Variants in WDPCP observed in about 807,000 individuals in gnomAD.
WDPCP encodes the protein WD repeat-containing and planar cell polarity effector protein fritz homolog.
Under a neutral mutation model 93.1 loss-of-function variants are expected in WDPCP, and 71 were observed. The ratio of observed to expected loss-of-function variants is 0.76; its 90% CI spans 0.63 to 0.93. WDPCP has a LOEUF of 0.93. Ranked by LOEUF, WDPCP falls within the 40% of genes least tolerant of loss-of-function variation. The pLI, the probability that WDPCP is intolerant of heterozygous loss-of-function variation, is 0.00. For synonymous variants in WDPCP, 315 were observed against 315.0 expected, an observed-to-expected ratio of 1.00 and a Z score of 0.00; for missense variants, 844 against 887.4, an observed-to-expected ratio of 0.95 and a Z score of 0.62.
chr2:63,486,067 T>C (rs923209116), intron 4 of WDPCP, among the ~76,000 whole-genome samples: 1 of 151,724 alleles, frequency 6.6e-6, no homozygotes, highest in Admixed American at 6.6e-5. Context: ...TTAATGTATG[T>C]TTAATTCTAT....
intron 2 of WDPCP, among the ~76,000 whole-genome samples, chr2:63,766,218 G>A (rs1357920759): frequency 2.0e-5 from 3 of 152,294 alleles, no homozygotes; most frequent in Middle Eastern, 3.4e-3. Context: ...CTAAATCAGT[G>A]AGTCTCATCC....
At chr2:63,179,193 C>T (rs1252797789) in intron 14 of WDPCP, among the ~76,000 whole-genome samples, 2 of 137,396 alleles carry the variant, frequency 1.5e-5, no homozygotes, top group African/African-American at 5.2e-5. Flanking sequence ...GAGTGAGACC[C>T]TGTCTCGGGG....
intron 14 of WDPCP, among the ~76,000 whole-genome samples, chr2:63,238,730 T>C (rs1679617187): frequency 6.6e-6 from 1 of 152,176 alleles, no homozygotes; most frequent in South Asian, 2.1e-4. Context: ...GAATAGTATA[T>C]GTGAAAGTAA....
intron 12 of WDPCP, among the ~76,000 whole-genome samples, chr2:63,317,975 A>G (rs1170186035): frequency 6.6e-6 from 1 of 152,176 alleles, no homozygotes; most frequent in African/African-American, 2.4e-5. Flanking sequence ...AAAAAAGTAA[A>G]CAGAGAACCT....
chr2:63,606,736 G>T, intron 3 of WDPCP: 1 of 515,366 alleles, frequency 1.9e-6, no homozygotes, highest in Non-Finnish European at 3.0e-6. Context: ...TTAAAATCTG[G>T]ATTTTTATTT....
chr2:63,750,684 T>C (rs779900451), intron 2 of WDPCP, among the ~76,000 whole-genome samples: 10 of 152,148 alleles, frequency 6.6e-5, no homozygotes, highest in Non-Finnish European at 1.0e-4. Flanking sequence ...AAAGTGTTCT[T>C]ATAATTGGGT....
intron 13 of WDPCP, among the ~76,000 whole-genome samples, chr2:63,289,863 G>A (rs950473085): frequency 3.3e-5 from 5 of 151,830 alleles, no homozygotes; most frequent in African/African-American, 9.6e-5. Flanking sequence ...TATCTCTGGT[G>A]ATACTTTCTT....
intron 6 of WDPCP, chr2:63,442,768 G>A (rs976591685): frequency 6.6e-6 from 1 of 152,038 alleles, no homozygotes; most frequent in Non-Finnish European, 1.5e-5. Flanking sequence ...CTTGTTTTCT[G>A]TTCTCACCAC....
At chr2:63,746,893 A>G (rs1669806298) in intron 2 of WDPCP, among the ~76,000 whole-genome samples, 1 of 151,786 alleles carries the variant, frequency 6.6e-6, no homozygotes, top group South Asian at 2.1e-4. Flanking sequence ...GAGGCATGTG[A>G]TCTCTGTGAC....
intron 1 of WDPCP, chr2:63,518,649 G>A (rs547153354): frequency 1.3e-5 from 2 of 152,494 alleles, no homozygotes; most frequent in African/African-American, 4.8e-5. Flanking sequence ...TAGCCTTAGG[G>A]GAACTGTCAG....
At chr2:63,757,122 A>C (rs1027570729) in intron 2 of WDPCP, among the ~76,000 whole-genome samples, 1 of 152,226 alleles carries the variant, frequency 6.6e-6, no homozygotes, top group Admixed American at 6.5e-5. Flanking sequence ...CATATTTCCC[A>C]ATGTCCACTT....
chr2:63,696,118 A>G (rs1002255534), intron 2 of WDPCP, among the ~76,000 whole-genome samples: 3 of 152,150 alleles, frequency 2.0e-5, no homozygotes, highest in African/African-American at 7.2e-5. Flanking sequence ...CTAAGAGATA[A>G]TAAAGGCAGA....
In WDPCP at chr2:63,142,921, TATACAC is replaced by T. The variant is rs1157159684; in HGVS notation, c.2190+9987_2190+9992del. On this transcript the variant is annotated intron_variant, in intron 17 of 17. Transcript: ENST00000272321. ...ACACATACATATATATACACATACATATACACACACACACACACACACACACACACC... is the reference window on the plus strand; with the variant it reads ...ACACATACATATATATACACATACATACACACACACACACACACACACACC... Among the ~76,000 whole-genome samples the T allele has an allele frequency of 2.9e-4, 22 of 76,602 alleles. No individual in the cohort carries two copies. In the South Asian group the frequency reaches 2.9e-3, roughly 10 times the overall value. The allele number at this position is 76,602 out of a possible 152,430, so 50.3% of individuals were successfully genotyped here.
intron 2 of WDPCP, among the ~76,000 whole-genome samples, chr2:63,779,858 G>A (rs1399667706): frequency 6.6e-6 from 1 of 152,140 alleles, no homozygotes; most frequent in African/African-American, 2.4e-5. Context: ...GGATTTTAAA[G>A]CTTAATCTAG....
intron 2 of WDPCP, among the ~76,000 whole-genome samples, chr2:63,685,484 C>T (rs1668792176): frequency 6.6e-6 from 1 of 152,134 alleles, no homozygotes; most frequent in Non-Finnish European, 1.5e-5. Context: ...CGAAGAAAAG[C>T]CCAGGACCCA....
chr2:63,122,346 A>T (rs1669600876), intron 17 of WDPCP, among the ~76,000 whole-genome samples: 1 of 152,188 alleles, frequency 6.6e-6, no homozygotes, highest in Non-Finnish European at 1.5e-5. Context: ...CCAATGAAAA[A>T]TTGCAAACTG....
At chr2:63,507,835 G>A (rs1701978737) in intron 1 of WDPCP, among the ~76,000 whole-genome samples, 1 of 152,056 alleles carries the variant, frequency 6.6e-6, no homozygotes, top group South Asian at 2.1e-4. Context: ...AAGGATATCA[G>A]AGATTGAAGA....
intron 12 of WDPCP, among the ~76,000 whole-genome samples, chr2:63,346,571 C>T (rs1434497009): frequency 6.6e-6 from 1 of 152,210 alleles, no homozygotes; most frequent in Non-Finnish European, 1.5e-5. Context: ...TCTAGGGCAG[C>T]TCCCTTTCTG....
At chr2:63,628,055 C>G (rs1709828106) in intron 3 of WDPCP, among the ~76,000 whole-genome samples, 1 of 152,206 alleles carries the variant, frequency 6.6e-6, no homozygotes, top group Non-Finnish European at 1.5e-5. Context: ...GCCGCGAGGA[C>G]TCCTGGCACC....
Sources: gnomAD v4.1 joint callset for allele counts (sites outside exome capture counted in the v4.1 genomes callset) on GRCh38, gnomAD v4.1.1 for gene constraint, MANE v1.5 for transcripts, NCBI Gene and HGNC (gene_info 2026-07-23, HGNC 2026-07-21) for gene names.